The following MED4 variants were observed in gnomAD, a reference collection of about 807,000 sequenced individuals.
MED4 encodes mediator of RNA polymerase II transcription subunit 4.
A neutral mutation model predicts 35.0 loss-of-function variants in MED4; 21 were observed. The ratio of observed to expected loss-of-function variants is 0.60; its 90% CI spans 0.43 to 0.86. MED4 has a LOEUF of 0.86. MED4 is among the 40% of genes least tolerant of loss of function. The probability of loss-of-function intolerance (pLI) is 0.00; values close to 1 mark genes in which losing one functional copy is unlikely to be tolerated. For missense variants in MED4, 300 were observed against 319.4 expected (o/e 0.94, Z 0.46); for synonymous variants, 138 against 114.0 (o/e 1.21, Z -1.34).
intron 6 of MED4, among the ~76,000 whole-genome samples, chr13:48,078,070 G>T (rs1950775269): frequency 6.6e-6 from 1 of 152,142 alleles, no homozygotes; most frequent in Admixed American, 6.5e-5. Flanking sequence ...AGGTTGATTA[G>T]CAATGTATGC....
intron 1 of MED4, among the ~76,000 whole-genome samples, chr13:48,092,618 T>C (rs1950898154): frequency 6.6e-6 from 1 of 152,186 alleles, no homozygotes; most frequent in African/African-American, 2.4e-5. Flanking sequence ...CTCCAGGACT[T>C]AGTAATCGTG....
At chr13:48,077,701 G>A (rs11617143) in intron 6 of MED4, 15,026 of 153,574 alleles carry the variant, frequency 0.098, 841 homozygotes, top group South Asian at 0.18. Context: ...ATAAGCTATT[G>A]TGCCAATTTT....
rs1376802916 is a variant in MED4 at position 48,079,006 on chromosome 13, T to C, written c.640+838A>G. ...GCCTTTTTCTACTTCCCAAATGTTCTACCACATCAAAACAAAAGTCACCTA... is the reference window on the plus strand; with the variant it reads ...GCCTTTTTCTACTTCCCAAATGTTCCACCACATCAAAACAAAAGTCACCTA... On this transcript the variant is annotated intron_variant, in intron 6 of 6. Coordinates refer to ENST00000258648, the MANE Select transcript of MED4 (RefSeq NM_014166.4). 3.3e-5 allele frequency among the ~76,000 whole-genome samples: 5 copies of C among 152,154 alleles called. No homozygotes were observed. The South Asian group carries it at 6.2e-4, about 19-fold the overall frequency.
intron 1 of MED4, among the ~76,000 whole-genome samples, chr13:48,091,190 T>A (rs1424030976): frequency 6.6e-6 from 1 of 152,220 alleles, no homozygotes; most frequent in East Asian, 1.9e-4. Flanking sequence ...AAATTAAACA[T>A]CAACTAAGAG....
chr13:48,093,434 T>C (rs1368010709), intron 1 of MED4: 3 of 263,402 alleles, frequency 1.1e-5, no homozygotes, highest in Non-Finnish European at 2.5e-5. Context: ...AATCTAAAAA[T>C]ATGTAAGGTA....
At position 48,079,885 on chromosome 13, in the gene MED4, C is replaced by G. The variant is rs755589467; in HGVS notation, c.599G>C (p.Gly200Ala). The change falls in exon 6 of 7, where the codon GGC (glycine) becomes GCC (alanine). Residue 200 changes from glycine (G) to alanine (A), a missense_variant. Physicochemically the swap from Gly to Ala is moderately conservative, Grantham distance 60. Transcript: ENST00000258648. ...MNNPSTNGVN[G>A]HLPGDALAAG... is the part of the protein sequence containing the mutation. Reference sequence around the variant, plus strand: ...TGCAAGTGCATCTCCTGGTAAATGGCCATTCACGCCATTAGTGGAAGGATT... The same window carrying G: ...TGCAAGTGCATCTCCTGGTAAATGGGCATTCACGCCATTAGTGGAAGGATT... 1.2e-6 allele frequency: 2 copies of G among 1,613,848 alleles called. No individual in the cohort carries two copies. Among genetic ancestry groups the G allele is most frequent in the Admixed American group, 3.3e-5 (2 of 60,002 alleles).
intron 1 of MED4, among the ~76,000 whole-genome samples, chr13:48,094,175 T>C (rs1398981981): frequency 6.6e-6 from 1 of 151,848 alleles, no homozygotes; most frequent in Non-Finnish European, 1.5e-5. Flanking sequence ...CAATTAAAAC[T>C]GTTTGGGAGG....
chr13:48,089,195 AAC>A (rs1593547771), intron 2 of MED4, among the ~76,000 whole-genome samples: 1 of 151,998 alleles, frequency 6.6e-6, no homozygotes, highest in African/African-American at 2.4e-5. Flanking sequence ...TTTGAAAAAA[AAC>A]AAAACAAAAA....
intron 2 of MED4, among the ~76,000 whole-genome samples, chr13:48,089,164 T>TAGAAGAA (rs1950872939): frequency 1.4e-5 from 2 of 146,018 alleles, no homozygotes; most frequent in Non-Finnish European, 3.0e-5. Context: ...ATTAACATAT[T>TAGAAGAA]TATCTCTAGC....
chr13:48,086,481 C>CTAA, intron 2 of MED4, 29 bp from the exon 3 acceptor site: 1 of 1,595,272 alleles, frequency 6.3e-7, no homozygotes, highest in Non-Finnish European at 8.6e-7. Flanking sequence ...TTAAATCAGA[C>CTAA]AATAGACTAC....
Position 48,076,263 on chromosome 13 carries a change from G to A in MED4, c.*876C>T, listed in dbSNP as rs949448079. 6.6e-6 allele frequency: 1 copy of A among 152,096 alleles called. No homozygotes were observed. The highest frequency in any genetic ancestry group is 2.4e-5 in the African/African-American group (1 of 41,434). 9.4% of individuals were successfully genotyped at this position (152,096 alleles called of 1,614,324 possible). A position where few individuals can be genotyped will look rare whatever the true frequency, so the allele number is the denominator to read the frequency against. On this transcript the variant is annotated 3_prime_UTR_variant, in exon 7 of 7. Coordinates refer to ENST00000258648, the MANE Select transcript of MED4 (RefSeq NM_014166.4). The stretch of plus-strand genomic sequence containing the variant: ...TATAAGCATATTACCTAAACACAGA[G>A]GTTACCAACAGAAATTAAAAGTGGT...
intron 1 of MED4, among the ~76,000 whole-genome samples, chr13:48,090,637 C>T (rs531299071): frequency 4.7e-4 from 72 of 152,314 alleles, no homozygotes; most frequent in African/African-American, 1.6e-3. Context: ...AGAGAGAGTT[C>T]TTTCTATAAA....
At chr13:48,086,783 C>G (rs912225354) in intron 2 of MED4, among the ~76,000 whole-genome samples, 1 of 152,192 alleles carries the variant, frequency 6.6e-6, no homozygotes, top group African/African-American at 2.4e-5. Context: ...GGCACAGTGA[C>G]TCATGCCTGT....
At position 48,076,073 on chromosome 13, in the gene MED4, TA is replaced by T. The variant is rs938069910; in HGVS notation, c.*1065del. 6.6e-6 allele frequency: 1 copy of T among 151,026 alleles called. No homozygotes were observed. Among genetic ancestry groups the T allele is most frequent in the Non-Finnish European group, 1.5e-5 (1 of 67,674 alleles). 9.4% of individuals were successfully genotyped at this position (151,026 alleles called of 1,614,324 possible). On this transcript the variant is annotated 3_prime_UTR_variant, in exon 7 of 7. Transcript: ENST00000258648. ...TTTACAAAAAAGTGTATGTGAACTT[TA>T]AAAAAATCTACACTACAATATGAAT...
intron 5 of MED4, among the ~76,000 whole-genome samples, chr13:48,080,427 GAAAT>G (rs1950798463): frequency 7.6e-6 from 1 of 130,890 alleles, no homozygotes; most frequent in Non-Finnish European, 1.6e-5. Flanking sequence ...AAGAAAGAAA[GAAAT>G]ATAAAAGTCA....
Position 48,075,939 on chromosome 13 carries a change from A to C in MED4, c.*1200T>G, listed in dbSNP as rs1191593722. On this transcript the variant is annotated 3_prime_UTR_variant, in exon 7 of 7. Transcript: ENST00000258648. ...TCCAATTTTTCTAGAGATCGAAAAT[A>C]ATCAAAAGGAAAAAATGATGGAAAA... 1.3e-5 allele frequency: 2 copies of C among 152,210 alleles called. No homozygotes were observed. The highest frequency in any genetic ancestry group is 2.9e-5 in the Non-Finnish European group (2 of 68,018). The allele number at this position is 152,210 out of a possible 1,614,324, so 9.4% of individuals were successfully genotyped here.
intron 6 of MED4, among the ~76,000 whole-genome samples, chr13:48,079,318 C>T (rs1192548048): frequency 6.6e-6 from 1 of 152,090 alleles, no homozygotes; most frequent in Non-Finnish European, 1.5e-5. Flanking sequence ...AAAAGAGAGG[C>T]CAAATGCCTG....
At chr13:48,079,751 G>T in intron 6 of MED4, 93 bp downstream of exon 6, 2 of 1,442,344 alleles carry the variant, frequency 1.4e-6, no homozygotes, top group East Asian at 2.4e-5. Context: ...ATTGTGTCGG[G>T]AATCTCAAAC....
intron 2 of MED4, 127 bp from the exon 3 acceptor site, chr13:48,086,579 T>A (rs1222174588): frequency 1.3e-6 from 1 of 764,440 alleles, no homozygotes; most frequent in Non-Finnish European, 2.1e-6. Flanking sequence ...TTATTCCTAA[T>A]TCTTGTTAAG....
Sources: gnomAD v4.1 joint callset for allele counts (sites outside exome capture counted in the v4.1 genomes callset) on GRCh38, gnomAD v4.1.1 for gene constraint, MANE v1.5 for transcripts, NCBI Gene and HGNC (gene_info 2026-07-23, HGNC 2026-07-21) for gene names.